PDLIM5: variants seen among roughly 807,000 people sequenced by gnomAD.
The protein encoded by PDLIM5 is PDZ and LIM domain 5.
In PDLIM5, 34 loss-of-function variants were observed where a neutral mutation model predicts 64.2. That is an observed-to-expected ratio of 0.53 (90% confidence interval 0.40 to 0.71). The LOEUF (loss-of-function observed/expected upper bound fraction) is 0.71. PDLIM5 is among the 30% of genes least tolerant of loss of function. The probability of loss-of-function intolerance (pLI) is 0.00; values close to 1 mark genes in which losing one functional copy is unlikely to be tolerated. For synonymous variants in PDLIM5, 253 were observed against 269.1 expected, an observed-to-expected ratio of 0.94 and a Z score of 0.59; for missense variants, 683 against 733.6, an observed-to-expected ratio of 0.93 and a Z score of 0.80.
intron 3 of PDLIM5, among the ~76,000 whole-genome samples, chr4:94,532,502 A>G (rs2110159902): frequency 6.6e-6 from 1 of 152,304 alleles, no homozygotes; most frequent in Non-Finnish European, 1.5e-5. Flanking sequence ...TCACAGGTTC[A>G]TATTGTTACT....
intron 3 of PDLIM5, among the ~76,000 whole-genome samples, chr4:94,532,578 T>A (rs1311998172): frequency 6.6e-6 from 1 of 152,158 alleles, no homozygotes; most frequent in African/African-American, 2.4e-5. Context: ...CCCTCAGCAA[T>A]CCTTCCGGGT....
At position 94,452,696 on chromosome 4, in the gene PDLIM5, A is replaced by G. The variant is rs73833910; in HGVS notation, c.-43+701A>G. 8.3e-3 allele frequency among the ~76,000 whole-genome samples: 1,268 copies of G among 152,260 alleles called. 7 individuals are homozygous for G. The highest frequency in any genetic ancestry group is 0.031 in the South Asian group (149 of 4,828). On this transcript the variant is annotated intron_variant, in intron 1 of 12. Transcript: ENST00000317968. ...GTGGAAAAAGGAAGGGCGTGTGGAC[A>G]GGGCAGAGCTTGGAAGGAAAATTCG...
intron 2 of PDLIM5, among the ~76,000 whole-genome samples, chr4:94,509,692 T>C (rs533402087): frequency 6.8e-4 from 104 of 152,258 alleles, no homozygotes; most frequent in Non-Finnish European, 1.3e-3. Flanking sequence ...AGAGCCACTC[T>C]GAGTCCCAAA....
intron 9 of PDLIM5, among the ~76,000 whole-genome samples, chr4:94,642,706 T>C (rs763981293): frequency 8.6e-5 from 13 of 151,900 alleles, no homozygotes; most frequent in Non-Finnish European, 1.9e-4. Flanking sequence ...CTTGAATCGA[T>C]TGTGGTCAGT....
chr4:94,582,518 TG>T (rs1043153963), intron 5 of PDLIM5: 26 of 507,196 alleles, frequency 5.1e-5, no homozygotes, highest in Non-Finnish European at 8.4e-5. Context: ...GTTCATTTTT[TG>T]GTCTGTGTTT....
At chr4:94,643,991 A>G (rs1409711164) in intron 9 of PDLIM5, among the ~76,000 whole-genome samples, 1 of 152,084 alleles carries the variant, frequency 6.6e-6, no homozygotes. Context: ...CCTTGTATTT[A>G]AGGAAACAAC....
intron 2 of PDLIM5, among the ~76,000 whole-genome samples, chr4:94,461,981 A>C (rs1026700128): frequency 1.2e-4 from 19 of 152,136 alleles, no homozygotes; most frequent in African/African-American, 3.9e-4. Flanking sequence ...TCTCTGCCTC[A>C]GCCTCTTGAG....
chr4:94,511,985 T>C (rs549589531), intron 2 of PDLIM5, among the ~76,000 whole-genome samples: 154 of 152,222 alleles, frequency 1.0e-3, no homozygotes, highest in Non-Finnish European at 1.9e-3. Flanking sequence ...CTTTTGAGTA[T>C]ATACCCAGCA....
At chr4:94,645,189 G>A (rs1039137405) in intron 9 of PDLIM5, among the ~76,000 whole-genome samples, 1 of 152,152 alleles carries the variant, frequency 6.6e-6, no homozygotes, top group Non-Finnish European at 1.5e-5. Flanking sequence ...CCATTCCTGA[G>A]TTACTTCACT....
chr4:94,551,727 A>T (rs1048190857), intron 3 of PDLIM5, among the ~76,000 whole-genome samples: 1 of 152,116 alleles, frequency 6.6e-6, no homozygotes, highest in Non-Finnish European at 1.5e-5. Flanking sequence ...GAGAAATTAA[A>T]TTGAGGCAAA....
rs1180070580 is a variant in PDLIM5 at position 94,614,961 on chromosome 4, G to C, written c.921-3043G>C. 2.0e-5 allele frequency among the ~76,000 whole-genome samples: 3 copies of C among 152,156 alleles called. No individual in the cohort carries two copies. The East Asian group carries it at 5.8e-4, about 29-fold the overall frequency. Reference sequence around the variant, plus strand: ...AGTGCAGATGAAGGATGCTTATTTAGTAAATGTACTTATTGCTAATTTTAT... The same window carrying C: ...AGTGCAGATGAAGGATGCTTATTTACTAAATGTACTTATTGCTAATTTTAT... On this transcript the variant is annotated intron_variant, in intron 7 of 12. Transcript: ENST00000317968.
chr4:94,499,175 TAA>T (rs1461154556), intron 2 of PDLIM5, among the ~76,000 whole-genome samples: 3 of 152,116 alleles, frequency 2.0e-5, no homozygotes, highest in African/African-American at 7.2e-5. Context: ...CTCTGAAAAA[TAA>T]AGTCTTTCTT....
intron 7 of PDLIM5, among the ~76,000 whole-genome samples, chr4:94,597,486 G>T (rs1276823307): frequency 6.6e-6 from 1 of 152,130 alleles, no homozygotes; most frequent in African/African-American, 2.4e-5. Flanking sequence ...AAACAGAAGT[G>T]ATGTCGTCAA....
intron 9 of PDLIM5, among the ~76,000 whole-genome samples, chr4:94,651,121 CT>C (rs1741813695): frequency 6.6e-6 from 1 of 152,300 alleles, no homozygotes; most frequent in Non-Finnish European, 1.5e-5. Context: ...TTAAATTAGT[CT>C]TTGCTGACAC....
chr4:94,554,253 AT>A (rs1475360070), intron 3 of PDLIM5, among the ~76,000 whole-genome samples: 19 of 152,074 alleles, frequency 1.2e-4, no homozygotes, highest in African/African-American at 2.4e-4. Context: ...TGTTTTCCTT[AT>A]TGTCTGTTAG....
intron 2 of PDLIM5, among the ~76,000 whole-genome samples, chr4:94,512,606 T>A (rs932869685): frequency 2.2e-5 from 3 of 137,686 alleles, no homozygotes; most frequent in Non-Finnish European, 4.5e-5. Context: ...CCAATTTTTT[T>A]ATTGGATTAT....
chr4:94,540,303 A>G (rs986514971), intron 3 of PDLIM5, among the ~76,000 whole-genome samples: 4 of 152,040 alleles, frequency 2.6e-5, no homozygotes, highest in African/African-American at 9.7e-5. Context: ...AATTTTTAGT[A>G]GAGATGGGGT....
chr4:94,525,649 C>A (rs1329539289), intron 3 of PDLIM5, among the ~76,000 whole-genome samples: 1 of 152,120 alleles, frequency 6.6e-6, no homozygotes, highest in Non-Finnish European at 1.5e-5. Context: ...GGTATTAAAA[C>A]TGAATAGGAA....
intron 7 of PDLIM5, among the ~76,000 whole-genome samples, chr4:94,615,851 G>A (rs952509074): frequency 4.6e-5 from 7 of 152,118 alleles, no homozygotes; most frequent in Admixed American, 1.3e-4. Flanking sequence ...CTTGAAATTA[G>A]GCAAACAATG....
Sources: gnomAD v4.1 joint callset for allele counts (sites outside exome capture counted in the v4.1 genomes callset) on GRCh38, gnomAD v4.1.1 for gene constraint, MANE v1.5 for transcripts, NCBI Gene and HGNC (gene_info 2026-07-23, HGNC 2026-07-21) for gene names.